The following KALRN variants were observed in gnomAD, a reference collection of about 807,000 sequenced individuals.
The protein encoded by KALRN is kalirin.
KALRN carries 70 observed loss-of-function variants against 353.7 expected under a neutral mutation model. That is an observed-to-expected ratio of 0.20 (90% CI 0.16 to 0.24). The LOEUF (loss-of-function observed/expected upper bound fraction) is 0.24. Among genes scored for constraint, KALRN ranks in the 10% least tolerant of loss-of-function variants. The pLI is 1.00. For synonymous variants in KALRN, 1,391 were observed against 1,434.8 expected (o/e 0.97, Z 0.69); for missense variants, 2,791 against 3,756.7 (o/e 0.74, Z 6.72).
chr3:124,289,328 C>T (rs1241596373), intron 5 of KALRN, among the ~76,000 whole-genome samples: 1 of 152,138 alleles, frequency 6.6e-6, no homozygotes, highest in African/African-American at 2.4e-5. Context: ...CACTGTGTGA[C>T]TATAGATAGT....
At chr3:124,463,655 G>A (rs1577136850) in intron 25 of KALRN, among the ~76,000 whole-genome samples, 1 of 152,178 alleles carries the variant, frequency 6.6e-6, no homozygotes, top group Non-Finnish European at 1.5e-5. Context: ...GTAGCAAGTG[G>A]CTGCCATATT....
chr3:124,401,165 A>G (rs1014461073), intron 13 of KALRN, among the ~76,000 whole-genome samples: 29 of 152,366 alleles, frequency 1.9e-4, no homozygotes, highest in African/African-American at 5.5e-4. Flanking sequence ...AATCACATGC[A>G]TTAAAATTGG....
Position 124,719,519 on chromosome 3 carries a change from A to C in KALRN, c.*49A>C. On this transcript the variant is annotated 3_prime_UTR_variant, in exon 60 of 60. Coordinates refer to ENST00000682506, the MANE Select transcript of KALRN (RefSeq NM_001388419.1). This position sits in a 1 kb window ranked among gnomAD's most constrained non-coding sequence, Gnocchi z 5.3. Reference sequence around the variant, plus strand: ...CACATAGACGTGCAGTGTGAACCAAAGCAAGACTGAATGTGACTGTAAATA... The same window carrying C: ...CACATAGACGTGCAGTGTGAACCAACGCAAGACTGAATGTGACTGTAAATA... 2 of 1,509,308 alleles carry C rather than the reference A, an allele frequency of 1.3e-6. No individual in the cohort carries two copies. Among genetic ancestry groups the C allele is most frequent in the Non-Finnish European group, 1.8e-6 (2 of 1,103,530 alleles). 93.5% of individuals were successfully genotyped at this position (1,509,308 alleles called of 1,614,324 possible). A position where few individuals can be genotyped will look rare whatever the true frequency, so the allele number is the denominator to read the frequency against.
intron 9 of KALRN, among the ~76,000 whole-genome samples, chr3:124,339,827 ATCT>A (rs939494859): frequency 6.6e-6 from 1 of 152,208 alleles, no homozygotes; most frequent in African/African-American, 2.4e-5. Flanking sequence ...AACATCAAGC[ATCT>A]TCTTGTTTTA....
intron 11 of KALRN, among the ~76,000 whole-genome samples, chr3:124,385,791 C>T (rs183293057): frequency 1.3e-5 from 2 of 152,272 alleles, no homozygotes; most frequent in South Asian, 2.1e-4. Context: ...TTCTGATTAA[C>T]ATGGGACATG....
At chr3:124,376,297 A>G (rs1355926418) in intron 10 of KALRN, among the ~76,000 whole-genome samples, 1 of 152,162 alleles carries the variant, frequency 6.6e-6, no homozygotes, top group Non-Finnish European at 1.5e-5. Context: ...CTCCTTAGAC[A>G]CTTCTTATTT....
In KALRN at chr3:124,529,979, A is replaced by T. The variant is rs191575788; in HGVS notation, c.4936-32864A>T. 2.6e-5 allele frequency among the ~76,000 whole-genome samples: 4 copies of T among 152,310 alleles called. No homozygotes were observed. In the East Asian group the frequency reaches 7.7e-4, roughly 29 times the overall value. ...GACTGAAGTCTCAAAGACAGTGTTG[A>T]TTGCAAATGCGCTTCTCTCTGCCCT... On this transcript the variant is annotated intron_variant, in intron 33 of 59. Transcript: ENST00000682506.
chr3:124,098,684 C>T (rs979598647), intron 1 of KALRN, among the ~76,000 whole-genome samples: 2 of 152,220 alleles, frequency 1.3e-5, no homozygotes, highest in Admixed American at 6.5e-5. Context: ...TTGCGCCTAC[C>T]TGTCTTCCTT....
At chr3:124,454,542 C>G (rs2059110982) in intron 21 of KALRN, among the ~76,000 whole-genome samples, 1 of 152,254 alleles carries the variant, frequency 6.6e-6, no homozygotes, top group Non-Finnish European at 1.5e-5. Context: ...TGAGTTCTTA[C>G]TGTCTTCCAC....
intron 59 of KALRN, among the ~76,000 whole-genome samples, chr3:124,718,545 C>A (rs150686390): frequency 2.0e-5 from 3 of 152,282 alleles, no homozygotes; most frequent in African/African-American, 7.2e-5. Flanking sequence ...GGAAGTTCTA[C>A]CTACCTAATC....
intron 49 of KALRN, chr3:124,677,674 A>G: frequency 2.2e-6 from 1 of 449,876 alleles, no homozygotes; most frequent in South Asian, 1.6e-5. Context: ...TCTGATCAAC[A>G]TTGTTTGGGA....
intron 1 of KALRN, among the ~76,000 whole-genome samples, chr3:124,112,812 G>A (rs940696321): frequency 6.6e-5 from 10 of 152,072 alleles, no homozygotes; most frequent in East Asian, 1.9e-4. Context: ...TTTTGGTCAC[G>A]AGCAGCTGAG....
chr3:124,273,368 G>A (rs1356695737), intron 5 of KALRN, among the ~76,000 whole-genome samples: 1 of 152,162 alleles, frequency 6.6e-6, no homozygotes, highest in African/African-American at 2.4e-5. Context: ...CAAAAGGGTG[G>A]GTAGGCCAGA....
intron 1 of KALRN, among the ~76,000 whole-genome samples, chr3:124,139,131 C>T (rs1256364935): frequency 1.3e-5 from 2 of 152,060 alleles, no homozygotes; most frequent in Non-Finnish European, 2.9e-5. Context: ...ATCTATAGGG[C>T]CCAGATCCTT....
At chr3:124,184,702 A>G (rs1283649922) in intron 1 of KALRN, among the ~76,000 whole-genome samples, 1 of 152,132 alleles carries the variant, frequency 6.6e-6, no homozygotes, top group Non-Finnish European at 1.5e-5. Context: ...CGGTTCTTTT[A>G]TTCATTTACC....
chr3:124,688,782 A>C (rs1023960354), intron 51 of KALRN, among the ~76,000 whole-genome samples: 2 of 152,220 alleles, frequency 1.3e-5, no homozygotes, highest in African/African-American at 4.8e-5. Context: ...CTTAAGTCTT[A>C]GAGTCAGTCA....
chr3:124,078,641 G>C (rs1295712151), intron 1 of KALRN, among the ~76,000 whole-genome samples: 1 of 152,166 alleles, frequency 6.6e-6, no homozygotes, highest in Non-Finnish European at 1.5e-5. Context: ...CATCTCGAGG[G>C]CTTGCTGGAA....
At chr3:124,578,851 G>A (rs955710494) in intron 34 of KALRN, among the ~76,000 whole-genome samples, 1 of 145,706 alleles carries the variant, frequency 6.9e-6, no homozygotes, top group African/African-American at 2.6e-5. Context: ...GGAGAGCAAG[G>A]GAATGGTTGG....
chr3:124,054,313 G>A lies in KALRN; in HGVS notation c.73+20500G>A, dbSNP rs939828340. ...CAAGGTGGGAGGATCACTTGAGCCC[G>A]GGAGTTCAAGACCAACATGGGCAAC... On this transcript the variant is annotated intron_variant, in intron 1 of 59. Transcript: ENST00000682506. 1.1e-4 allele frequency among the ~76,000 whole-genome samples: 14 copies of A among 129,578 alleles called. No homozygotes were observed. The East Asian group carries it at 2.6e-3, about 24-fold the overall frequency. The allele number at this position is 129,578 out of a possible 152,430, so 85.0% of individuals were successfully genotyped here. A position where few individuals can be genotyped will look rare whatever the true frequency, so the allele number is the denominator to read the frequency against.
Sources: gnomAD v4.1 joint callset for allele counts (sites outside exome capture counted in the v4.1 genomes callset) on GRCh38, gnomAD v4.1.1 for gene constraint, Gnocchi (gnomAD v3.1) non-coding constraint, MANE v1.5 for transcripts, NCBI Gene and HGNC (gene_info 2026-07-23, HGNC 2026-07-21) for gene names.